Variants in LINGO2 observed in about 807,000 individuals in gnomAD.
LINGO2 encodes leucine rich repeat and Ig domain containing 2.
LINGO2 carries 14 observed loss-of-function variants against 30.6 expected under a neutral mutation model. The observed-to-expected ratio is 0.46, with a 90% CI of 0.30 to 0.72. LINGO2 has a LOEUF of 0.72. Ranked by LOEUF, LINGO2 falls within the 30% of genes least tolerant of loss-of-function variation. LINGO2 has a pLI of 0.07. For missense variants in LINGO2, 729 were observed against 751.7 expected (o/e 0.97, Z 0.35); for synonymous variants, 317 against 288.5 (o/e 1.10, Z -1.00).
chr9:27,990,769 T>A (rs1170720490), intron 5 of LINGO2, among the ~76,000 whole-genome samples: 2 of 152,050 alleles, frequency 1.3e-5, no homozygotes, highest in African/African-American at 4.8e-5. Flanking sequence ...ACCACTCTGA[T>A]ATACTACATC....
chr9:28,373,998 G>C (rs1477900878), intron 2 of LINGO2, among the ~76,000 whole-genome samples: 2 of 151,606 alleles, frequency 1.3e-5, no homozygotes, highest in Non-Finnish European at 2.9e-5. Flanking sequence ...ACATGTGTAT[G>C]ACACAGATGC....
chr9:28,916,802 T>C, the LINGO2 span, among the ~76,000 whole-genome samples: 1 of 152,162 alleles, frequency 6.6e-6, no homozygotes, highest in East Asian at 1.9e-4. Context: ...ACTTGTTTTA[T>C]ACTTTTTGGT....
At chr9:28,383,121 C>T (rs1821419527) in intron 2 of LINGO2, among the ~76,000 whole-genome samples, 1 of 151,952 alleles carries the variant, frequency 6.6e-6, no homozygotes. Flanking sequence ...TGTATAGCTC[C>T]TCATCTGTAG....
chr9:29,062,557 G>A, the LINGO2 span, among the ~76,000 whole-genome samples: 10 of 152,052 alleles, frequency 6.6e-5, no homozygotes, highest in East Asian at 1.9e-4. Context: ...CCTTGAAAAC[G>A]TCATGCTAAG....
the LINGO2 span, among the ~76,000 whole-genome samples, chr9:28,734,912 TAG>T: frequency 6.6e-6 from 1 of 152,168 alleles, no homozygotes; most frequent in Non-Finnish European, 1.5e-5. Flanking sequence ...TTCTTTTTTG[TAG>T]AGACTATTTC....
At chr9:28,935,104 A>G in the LINGO2 span, among the ~76,000 whole-genome samples, 1 of 151,486 alleles carries the variant, frequency 6.6e-6, no homozygotes, top group African/African-American at 2.4e-5. Flanking sequence ...AATCACAAAA[A>G]ATACAAAAAA....
chr9:29,104,801 G>A, the LINGO2 span, among the ~76,000 whole-genome samples: 1 of 152,080 alleles, frequency 6.6e-6, no homozygotes, highest in African/African-American at 2.4e-5. Context: ...TTGCAGACCT[G>A]TTTTCCAATG....
the LINGO2 span, among the ~76,000 whole-genome samples, chr9:28,730,819 A>C: frequency 2.0e-5 from 3 of 152,162 alleles, no homozygotes; most frequent in Non-Finnish European, 2.9e-5. Flanking sequence ...TATTCTGAAA[A>C]ACCTATCAGA....
At chr9:28,819,979 C>T in the LINGO2 span, among the ~76,000 whole-genome samples, 1 of 152,110 alleles carries the variant, frequency 6.6e-6, no homozygotes, top group East Asian at 1.9e-4. Flanking sequence ...ATCAAATGGT[C>T]GTATTCTGCT....
At chr9:28,649,487 C>G (rs1318761246) in intron 1 of LINGO2, among the ~76,000 whole-genome samples, 1 of 152,000 alleles carries the variant, frequency 6.6e-6, no homozygotes, top group Admixed American at 6.6e-5. Flanking sequence ...CTTAGATTGC[C>G]CTGCCCTAAC....
At chr9:29,077,469 G>C in the LINGO2 span, among the ~76,000 whole-genome samples, 1 of 151,980 alleles carries the variant, frequency 6.6e-6, no homozygotes, top group Non-Finnish European at 1.5e-5. Flanking sequence ...AGACAGCAAA[G>C]AAGTTATTTG....
At chr9:28,552,632 G>T (rs1389177308) in intron 1 of LINGO2, among the ~76,000 whole-genome samples, 2 of 150,968 alleles carry the variant, frequency 1.3e-5, no homozygotes, top group Non-Finnish European at 2.9e-5. Context: ...TCCATTCTGG[G>T]AACTTTTTAT....
At chr9:29,034,643 G>A in the LINGO2 span, among the ~76,000 whole-genome samples, 23 of 152,124 alleles carry the variant, frequency 1.5e-4, no homozygotes, top group Middle Eastern at 3.4e-3. Context: ...CTGAACACAA[G>A]CGCATTTATC....
chr9:28,025,859 G>A (rs1425444286), intron 4 of LINGO2, among the ~76,000 whole-genome samples: 1 of 151,992 alleles, frequency 6.6e-6, no homozygotes, highest in African/African-American at 2.4e-5. Context: ...GATTACAGGG[G>A]GTTAAATATG....
chr9:28,659,299 A>T (rs1423815159), intron 1 of LINGO2, among the ~76,000 whole-genome samples: 1 of 152,108 alleles, frequency 6.6e-6, no homozygotes, highest in Non-Finnish European at 1.5e-5. Flanking sequence ...AAAATTCAAA[A>T]AATTTAAATT....
intron 4 of LINGO2, among the ~76,000 whole-genome samples, chr9:28,181,701 C>T (rs2133713758): frequency 6.6e-6 from 1 of 152,292 alleles, no homozygotes; most frequent in East Asian, 1.9e-4. Flanking sequence ...GTGTCAGCAG[C>T]AGGGTTCATT....
At chr9:28,895,242 T>C in the LINGO2 span, among the ~76,000 whole-genome samples, 3 of 152,066 alleles carry the variant, frequency 2.0e-5, no homozygotes, top group Non-Finnish European at 2.9e-5. Flanking sequence ...TATTGCACAC[T>C]ATAAAAGTCA....
intron 1 of LINGO2, among the ~76,000 whole-genome samples, chr9:28,480,785 T>A (rs1005833925): frequency 6.6e-6 from 1 of 152,106 alleles, no homozygotes; most frequent in African/African-American, 2.4e-5. Flanking sequence ...ATCCTATCTG[T>A]CCTTTTAGGC....
intron 4 of LINGO2, among the ~76,000 whole-genome samples, chr9:28,198,307 A>T (rs1221822352): frequency 1.3e-5 from 2 of 152,090 alleles, no homozygotes; most frequent in Admixed American, 6.6e-5. Flanking sequence ...CAGTTTTACC[A>T]CTAGTATTCT....
Sources: gnomAD v4.1 joint callset for allele counts (sites outside exome capture counted in the v4.1 genomes callset) on GRCh38, gnomAD v4.1.1 for gene constraint, MANE v1.5 for transcripts, NCBI Gene and HGNC (gene_info 2026-07-23, HGNC 2026-07-21) for gene names.